The following RELT variants were observed in gnomAD, a reference collection of about 807,000 sequenced individuals.
RELT encodes tumor necrosis factor receptor superfamily member 19L.
In RELT, 37 loss-of-function variants were observed where a neutral mutation model predicts 51.1. The observed-to-expected ratio is 0.72, with a 90% CI of 0.56 to 0.95. RELT has a LOEUF of 0.95. RELT is among the 40% of genes least tolerant of loss of function. RELT has a pLI of 0.00. For missense variants in RELT, 535 were observed against 572.6 expected (o/e 0.93, Z 0.67); for synonymous variants, 241 against 235.7 (o/e 1.02, Z -0.21).
intron 1 of RELT, among the ~76,000 whole-genome samples, chr11:73,379,460 G>A (rs1439655027): frequency 2.0e-5 from 3 of 152,130 alleles, no homozygotes; most frequent in African/African-American, 7.2e-5. Context: ...TAGCCAAGGA[G>A]GGGAGATATT....
At chr11:73,389,080 G>T in intron 1 of RELT, 32 bp from the exon 2 acceptor site, 1 of 1,195,128 alleles carries the variant, frequency 8.4e-7, no homozygotes. Flanking sequence ...TGTCCCTGCC[G>T]CTCTGCCGAG....
chr11:73,394,222 G>A lies in RELT; in HGVS notation c.707-14G>A. 1.9e-6 allele frequency: 3 copies of A among 1,592,646 alleles called. No individual in the cohort carries two copies. Among genetic ancestry groups the A allele is most frequent in the Non-Finnish European group, 2.6e-6 (3 of 1,169,892 alleles). ...ATATGGCCACAGTGAGGGTCTGACTGCAGCTACCCACAGAGAATGCTGCGG... is the reference window on the plus strand; with the variant it reads ...ATATGGCCACAGTGAGGGTCTGACTACAGCTACCCACAGAGAATGCTGCGG... On this transcript the variant is annotated splice_polypyrimidine_tract_variant and intron_variant, in intron 7 of 10. Coordinates refer to ENST00000064780, the MANE Select transcript of RELT (RefSeq NM_152222.2). This position sits in a 1 kb window ranked among gnomAD's most constrained non-coding sequence, Gnocchi z 4.9.
rs752887875 is a variant in RELT at position 73,395,193 on chromosome 11, C to A, written c.1153C>A (p.Gln385Lys). Reference sequence around the variant, plus strand: ...GTGGGGTGATCTCCCTGACTCCCCACAGCCTGGCCTCCCCCCTGAGCAGCA... The same window carrying A: ...GTGGGGTGATCTCCCTGACTCCCCAAAGCCTGGCCTCCCCCCTGAGCAGCA... ...PSWGDLPDSP[Q>K]PGLPPEQQAL... The change falls in exon 10 of 11, where the codon CAG becomes AAG. Residue 385 changes from glutamine to lysine, a missense_variant. Gln to Lys is a moderately conservative substitution (Grantham distance 53). Coordinates refer to ENST00000064780, the MANE Select transcript of RELT (RefSeq NM_152222.2). The A allele has an allele frequency of 1.2e-6, 2 of 1,613,164 alleles. No homozygotes were observed. The highest frequency in any genetic ancestry group is 8.5e-7 in the Non-Finnish European group (1 of 1,179,960).
rs1001284398 is a variant in RELT at position 73,376,437 on chromosome 11, C to T, written c.-88C>T. 6.6e-6 allele frequency: 1 copy of T among 151,922 alleles called. No homozygotes were observed. The highest frequency in any genetic ancestry group is 2.1e-4 in the South Asian group (1 of 4,836). The allele number at this position is 151,922 out of a possible 1,614,324, so 9.4% of individuals were successfully genotyped here. ...GCTGCGCGGCTGTCCGGGCGCTCGC[C>T]GAGCCGGGCCGCGGCGCCGAGTCGA... is the stretch of plus-strand genomic sequence containing the variant. On this transcript the variant is annotated 5_prime_UTR_variant, in exon 1 of 11. Coordinates refer to ENST00000064780, the MANE Select transcript of RELT (RefSeq NM_152222.2).
chr11:73,391,979 G>T (rs1866222165), intron 5 of RELT: 2 of 595,798 alleles, frequency 3.4e-6, no homozygotes, highest in Non-Finnish European at 6.0e-6. Flanking sequence ...GGAGGGTGGG[G>T]CTGGGTGTCT....
chr11:73,393,170 C>G (rs978349741), intron 6 of RELT: 12 of 1,001,086 alleles, frequency 1.2e-5, no homozygotes, highest in African/African-American at 1.7e-5. Context: ...AGTCCTGACA[C>G]TGAAGTCTGG....
chr11:73,380,835 C>T (rs753944019), intron 1 of RELT, among the ~76,000 whole-genome samples: 8 of 152,252 alleles, frequency 5.3e-5, no homozygotes, highest in East Asian at 1.9e-4. Flanking sequence ...CACTCAGGAT[C>T]GATGGGGGAG....
rs1215159548 is a variant in RELT, at chr11:73,383,411, A to T, written c.-25-5701A>T. Among the ~76,000 whole-genome samples, 9 of 152,174 alleles carry T rather than the reference A, an allele frequency of 5.9e-5. No homozygotes were observed. The South Asian group carries it at 1.4e-3, about 25-fold the overall frequency. On this transcript the variant is annotated intron_variant, in intron 1 of 10. Transcript: ENST00000064780. ...CAGAGCTGGCACAGACTAGAACAATATGCAAATGAGTATAGATGCAGGCAA... is the reference window on the plus strand; with the variant it reads ...CAGAGCTGGCACAGACTAGAACAATTTGCAAATGAGTATAGATGCAGGCAA...
At position 73,393,512 on chromosome 11, in the gene RELT, G is replaced by A. The variant is rs558850466; in HGVS notation, c.626-325G>A. 16 of 1,261,926 alleles carry A rather than the reference G, an allele frequency of 1.3e-5. No individual in the cohort carries two copies. The East Asian group carries it at 7.2e-4, about 57-fold the overall frequency. 78.2% of individuals were successfully genotyped at this position (1,261,926 alleles called of 1,614,324 possible). On this transcript the variant is annotated intron_variant, in intron 6 of 10. Coordinates refer to ENST00000064780, the MANE Select transcript of RELT (RefSeq NM_152222.2). ...TGGCAGCCCACAGCTCCTTGAGGCT[G>A]AGGAGGAGACAGTGCAGACCCAGAA...
Position 73,390,541 on chromosome 11 carries a change from GTTC to G in RELT, c.46-5_46-3del, listed in dbSNP as rs773779443. On this transcript the variant is annotated splice_polypyrimidine_tract_variant and splice_region_variant and intron_variant, in intron 2 of 10. Transcript: ENST00000064780. ...CTTTCTGCCTCTTTCAATGCCTACT[GTTC>G]TTCTAGCTGCTGCCCTGGCCTCTCG... The G allele has an allele frequency of 6.2e-6, 10 of 1,613,648 alleles. No homozygotes were observed. Among genetic ancestry groups the G allele is most frequent in the South Asian group, 2.2e-5 (2 of 91,084 alleles).
At position 73,390,845 on chromosome 11, in the gene RELT, TGCAGCCTTTG is replaced by T. The variant is rs1866201171; in HGVS notation, c.213_222del (p.Cys71Ter). 6.2e-7 allele frequency: 1 copy of T among 1,612,720 alleles called. No individual in the cohort carries two copies. Among genetic ancestry groups the T allele is most frequent in the African/African-American group, 1.3e-5 (1 of 74,868 alleles). ...CAGCCCATGCCAGCCCCATGCCCGT[TGCAGCCTTTG>T]GAGGAGGCTGGAGGCCCAGGTGGGC... is the stretch of plus-strand genomic sequence containing the variant. On this transcript the variant is annotated frameshift_variant, in exon 4 of 11. Coordinates refer to ENST00000064780, the MANE Select transcript of RELT (RefSeq NM_152222.2). LOFTEE classifies it high-confidence loss of function.
chr11:73,393,330 C>G (rs1327337939), intron 6 of RELT: 2 of 1,045,528 alleles, frequency 1.9e-6, no homozygotes, highest in Non-Finnish European at 2.3e-6. Flanking sequence ...GCTCTGTTTG[C>G]TGCTGGGCCC....
At chr11:73,378,691 C>T (rs1464510883) in intron 1 of RELT, among the ~76,000 whole-genome samples, 1 of 152,210 alleles carries the variant, frequency 6.6e-6, no homozygotes, top group Non-Finnish European at 1.5e-5. Context: ...TGTGTGTGTG[C>T]ACACATGTCT....
In RELT at chr11:73,389,131, C is replaced by T; in HGVS notation, c.-6C>T. The T allele has an allele frequency of 6.5e-7, 1 of 1,549,236 alleles. No individual in the cohort carries two copies. The highest frequency in any genetic ancestry group is 1.2e-5 in the South Asian group (1 of 84,170). On this transcript the variant is annotated 5_prime_UTR_variant, in exon 2 of 11. Transcript: ENST00000064780. The stretch of plus-strand genomic sequence containing the variant: ...CCCTAGGCCGGCGACCACCAGGGGC[C>T]TGAGGATGAAGCCAAGTCTGCTGTG...
rs1866261570 is a variant in RELT, at chr11:73,393,879, C to T, written c.668C>T (p.Thr223Ile). 1 of 1,613,890 alleles carries T rather than the reference C, an allele frequency of 6.2e-7. No homozygotes were observed. The highest frequency in any genetic ancestry group is 1.7e-5 in the Admixed American group (1 of 59,996). Reference sequence around the variant, plus strand: ...CGGACTGAGGATGCCAATGAGGACACCATTGGGGTCCTGGTGCGCTTGATC... The same window carrying T: ...CGGACTGAGGATGCCAATGAGGACATCATTGGGGTCCTGGTGCGCTTGATC... ...AYRTEDANEDTIGVLVRLITE... is the reference protein window; with the variant it reads ...AYRTEDANEDIIGVLVRLITE... The change falls in exon 7 of 11, where the codon ACC (threonine) becomes ATC (isoleucine). Residue 223 changes from threonine to isoleucine, a missense_variant. Coordinates refer to ENST00000064780, the MANE Select transcript of RELT (RefSeq NM_152222.2).
At position 73,388,973 on chromosome 11, in the gene RELT, G is replaced by A. The variant is rs142665280; in HGVS notation, c.-25-139G>A. On this transcript the variant is annotated intron_variant, in intron 1 of 10. Coordinates refer to ENST00000064780, the MANE Select transcript of RELT (RefSeq NM_152222.2). This position sits in a 1 kb window ranked among gnomAD's most constrained non-coding sequence, Gnocchi z 4.1. Reference sequence around the variant, plus strand: ...GGCCTGTGCTTGCGGGTGTGGAGCCGGCCTCCCCGGGCTCTGCCTGCCCAG... The same window carrying A: ...GGCCTGTGCTTGCGGGTGTGGAGCCAGCCTCCCCGGGCTCTGCCTGCCCAG... The A allele has an allele frequency of 7.5e-3, 4,703 of 623,892 alleles. 22 individuals are homozygous for A. Among genetic ancestry groups the A allele is most frequent in the Non-Finnish European group, 0.01 (3,493 of 348,606 alleles). 38.6% of individuals were successfully genotyped at this position (623,892 alleles called of 1,614,324 possible). A position where few individuals can be genotyped will look rare whatever the true frequency, so the allele number is the denominator to read the frequency against.
In RELT at chr11:73,388,969, A is replaced by G. The variant is rs1045116636; in HGVS notation, c.-25-143A>G. On this transcript the variant is annotated intron_variant, in intron 1 of 10. Coordinates refer to ENST00000064780, the MANE Select transcript of RELT (RefSeq NM_152222.2). This position sits in a 1 kb window ranked among gnomAD's most constrained non-coding sequence, Gnocchi z 4.1. ...CTTGGGCCTGTGCTTGCGGGTGTGGAGCCGGCCTCCCCGGGCTCTGCCTGC... is the reference window on the plus strand; with the variant it reads ...CTTGGGCCTGTGCTTGCGGGTGTGGGGCCGGCCTCCCCGGGCTCTGCCTGC... The G allele has an allele frequency of 1.8e-5, 11 of 622,688 alleles. No individual in the cohort carries two copies. The Middle Eastern group carries it at 1.7e-3, about 96-fold the overall frequency. The allele number at this position is 622,688 out of a possible 1,614,324, so 38.6% of individuals were successfully genotyped here.
At position 73,395,678 on chromosome 11, in the gene RELT, C is replaced by CTGTG. The variant is rs1866308257; in HGVS notation, c.*189_*192dup. 1 of 632,532 alleles carries CTGTG rather than the reference C, an allele frequency of 1.6e-6. No homozygotes were observed. The highest frequency in any genetic ancestry group is 2.9e-6 in the Non-Finnish European group (1 of 349,316). The allele number at this position is 632,532 out of a possible 1,614,324, so 39.2% of individuals were successfully genotyped here. ...TGAGGAGGCAGGTGGCCGGCGGGCA[C>CTGTG]TGTGTACAGGAGCAGGCTGAGCCCC... On this transcript the variant is annotated 3_prime_UTR_variant, in exon 11 of 11. Transcript: ENST00000064780.
intron 1 of RELT, among the ~76,000 whole-genome samples, chr11:73,380,535 C>T (rs1010997089): frequency 2.0e-5 from 3 of 152,206 alleles, no homozygotes; most frequent in Non-Finnish European, 2.9e-5. Flanking sequence ...ACTCAGAGAG[C>T]AGCCCTAGGC....
Sources: gnomAD v4.1 joint callset for allele counts (sites outside exome capture counted in the v4.1 genomes callset) on GRCh38, gnomAD v4.1.1 for gene constraint, Gnocchi (gnomAD v3.1) non-coding constraint, MANE v1.5 for transcripts, NCBI Gene and HGNC (gene_info 2026-07-23, HGNC 2026-07-21) for gene names.